The following LOC400499 variants were observed in gnomAD, a reference collection of about 807,000 sequenced individuals.
the LOC400499 span, among the ~76,000 whole-genome samples, chr16:11,492,176 C>A: frequency 6.6e-6 from 1 of 152,200 alleles, no homozygotes; most frequent in African/African-American, 2.4e-5. Flanking sequence ...ATGTCTTGGC[C>A]TTCCTAGGCA....
the LOC400499 span, chr16:11,396,405 G>A: frequency 1.9e-5 from 21 of 1,093,206 alleles, no homozygotes; most frequent in Non-Finnish European, 2.2e-5. Flanking sequence ...ATAGCCACTA[G>A]ATGGCGGGGC....
the LOC400499 span, among the ~76,000 whole-genome samples, chr16:11,458,810 G>A: frequency 0.27 from 40,977 of 151,802 alleles, 5,842 homozygotes; most frequent in Admixed American, 0.42. Flanking sequence ...TGAGGTGAGC[G>A]GATCACCTGA....
At chr16:11,392,825 C>T in the LOC400499 span, 2 of 981,198 alleles carry the variant, frequency 2.0e-6, no homozygotes, top group Non-Finnish European at 2.4e-6. Context: ...AACACATCAC[C>T]CCCTACCCCA....
At chr16:11,459,885 G>A in the LOC400499 span, 3 of 1,368,202 alleles carry the variant, frequency 2.2e-6, no homozygotes, top group African/African-American at 1.5e-5. Context: ...TGCCGCAGTG[G>A]CCAGGCTCAC....
At chr16:11,415,299 C>A in the LOC400499 span, among the ~76,000 whole-genome samples, 2 of 152,174 alleles carry the variant, frequency 1.3e-5, no homozygotes, top group African/African-American at 4.8e-5. Flanking sequence ...ACAGATGGCG[C>A]CGATTCTGTA....
chr16:11,381,879 A>G, the LOC400499 span, among the ~76,000 whole-genome samples: 2 of 150,376 alleles, frequency 1.3e-5, no homozygotes, highest in Non-Finnish European at 3.0e-5. Context: ...CTTGGTATGG[A>G]TGGATTTATT....
the LOC400499 span, among the ~76,000 whole-genome samples, chr16:11,466,484 G>A: frequency 2.0e-5 from 3 of 151,950 alleles, no homozygotes; most frequent in South Asian, 6.2e-4. Context: ...ACCCCACCAG[G>A]TTCAAGCAAT....
At chr16:11,484,200 G>C in the LOC400499 span, among the ~76,000 whole-genome samples, 3 of 151,698 alleles carry the variant, frequency 2.0e-5, no homozygotes, top group African/African-American at 4.8e-5. Context: ...GTAGAGACAG[G>C]GTTTCACCAT....
the LOC400499 span, among the ~76,000 whole-genome samples, chr16:11,410,494 C>T: frequency 6.6e-6 from 1 of 152,204 alleles, no homozygotes; most frequent in African/African-American, 2.4e-5. Context: ...AAAGAAGTTC[C>T]CTGAATGACT....
the LOC400499 span, chr16:11,477,024 C>A: frequency 2.5e-6 from 1 of 400,738 alleles, no homozygotes; most frequent in South Asian, 1.3e-4. Flanking sequence ...CAGCAGCCCC[C>A]TGCAGTCCTG....
chr16:11,483,128 G>C, the LOC400499 span, among the ~76,000 whole-genome samples: 1 of 152,160 alleles, frequency 6.6e-6, no homozygotes, highest in Non-Finnish European at 1.5e-5. Context: ...CGCATTATTA[G>C]AATGGCTAAA....
chr16:11,492,077 A>G, the LOC400499 span, among the ~76,000 whole-genome samples: 1 of 152,168 alleles, frequency 6.6e-6, no homozygotes, highest in East Asian at 1.9e-4. Context: ...CTAGAGCCTC[A>G]TCAATTCCCC....
chr16:11,427,103 A>C, the LOC400499 span, among the ~76,000 whole-genome samples: 1 of 151,896 alleles, frequency 6.6e-6, no homozygotes, highest in South Asian at 2.1e-4. Context: ...CACACCTGTA[A>C]TCCCAGCACT....
chr16:11,446,415 C>T, the LOC400499 span: 1 of 778,036 alleles, frequency 1.3e-6, no homozygotes. Flanking sequence ...ACCTCAGCCT[C>T]CTGCGTAGCT....
the LOC400499 span, chr16:11,383,522 C>CTT: frequency 1.8e-6 from 2 of 1,106,174 alleles, no homozygotes; most frequent in African/African-American, 3.2e-5. Flanking sequence ...TGTTGTGACT[C>CTT]TTAGCTCCTT....
At chr16:11,378,919 T>C in the LOC400499 span, among the ~76,000 whole-genome samples, 1 of 152,252 alleles carries the variant, frequency 6.6e-6, no homozygotes, top group Admixed American at 6.5e-5. Context: ...ATTGTTCAAG[T>C]ACTTTGTTTC....
chr16:11,417,118 C>G, the LOC400499 span, among the ~76,000 whole-genome samples: 49 of 152,056 alleles, frequency 3.2e-4, no homozygotes, highest in African/African-American at 1.1e-3. Context: ...GTCCCACCCC[C>G]CCTCACCCTC....
At chr16:11,454,780 G>A in the LOC400499 span, among the ~76,000 whole-genome samples, 3 of 152,206 alleles carry the variant, frequency 2.0e-5, no homozygotes, top group African/African-American at 7.2e-5. Flanking sequence ...TTCTTTGGAA[G>A]CTACTGAAAG....
chr16:11,480,394 C>T, the LOC400499 span, among the ~76,000 whole-genome samples: 1 of 152,190 alleles, frequency 6.6e-6, no homozygotes, highest in Admixed American at 6.5e-5. Context: ...CCGGGTTCAC[C>T]CTTGGTGGTT....
Sources: allele counts gnomAD v4.1 joint callset (sites outside exome capture counted in the v4.1 genomes callset), GRCh38; gene constraint gnomAD v4.1.1; transcripts MANE v1.5.